Variants in TMEM50B observed in about 807,000 individuals in gnomAD.
TMEM50B encodes transmembrane protein 50B.
Under a neutral mutation model 23.4 loss-of-function variants are expected in TMEM50B, and 14 were observed. The ratio of observed to expected loss-of-function variants is 0.60; its 90% CI spans 0.39 to 0.93. TMEM50B has a LOEUF of 0.93. Ranked by LOEUF, TMEM50B falls within the 40% of genes least tolerant of loss-of-function variation. The probability of loss-of-function intolerance (pLI) is 0.00; values close to 1 mark genes in which losing one functional copy is unlikely to be tolerated. For synonymous variants in TMEM50B, 64 were observed against 62.3 expected, an observed-to-expected ratio of 1.03 and a Z score of -0.13; for missense variants, 159 against 193.0, an observed-to-expected ratio of 0.82 and a Z score of 1.04.
chr21:33,433,770 T>G (rs1448176998), intron 8 of TMEM50B, among the ~76,000 whole-genome samples: 2 of 147,258 alleles, frequency 1.4e-5, no homozygotes, highest in African/African-American at 2.6e-5. Flanking sequence ...TTATGTTATG[T>G]GTATTTTACC....
intron 1 of TMEM50B, among the ~76,000 whole-genome samples, chr21:33,475,475 T>G (rs1451841882): frequency 1.3e-5 from 2 of 151,970 alleles, no homozygotes; most frequent in Non-Finnish European, 2.9e-5. Flanking sequence ...ACCTCCCAAG[T>G]AGCTGGGATT....
At chr21:33,468,566 A>G (rs1403174302) in intron 2 of TMEM50B, 1 of 456,272 alleles carries the variant, frequency 2.2e-6, no homozygotes, top group African/African-American at 2.0e-5. Flanking sequence ...TATCACTGGA[A>G]CTGAAGAAAA....
chr21:33,471,671 C>G lies in TMEM50B; in HGVS notation c.-41-2745G>C, dbSNP rs2084316802. ...GGAAGATTGCTTGAGGCCAGGACTT[C>G]AAGCCCAGCCCAGGCAACATAGCAA... is the stretch of plus-strand genomic sequence containing the variant. On this transcript the variant is annotated intron_variant, in intron 1 of 6. Transcript: ENST00000542230. 2.0e-5 allele frequency among the ~76,000 whole-genome samples: 3 copies of G among 152,154 alleles called. No individual in the cohort carries two copies. The South Asian group carries it at 6.2e-4, about 32-fold the overall frequency.
intron 6 of TMEM50B, among the ~76,000 whole-genome samples, chr21:33,454,088 G>A (rs2084146871): frequency 1.6e-5 from 2 of 123,482 alleles, no homozygotes; most frequent in South Asian, 2.7e-4. Context: ...GGGCAACAGA[G>A]CGAGAATCCA....
intron 8 of TMEM50B, chr21:33,437,241 T>C: frequency 4.9e-6 from 2 of 406,398 alleles, no homozygotes; most frequent in South Asian, 4.9e-5. Flanking sequence ...AATTGCTTGT[T>C]AGCAAAATGG....
At chr21:33,460,564 G>T (rs1228745230) in intron 4 of TMEM50B, 59 bp from the exon 5 acceptor site, 50 of 986,142 alleles carry the variant, frequency 5.1e-5, no homozygotes, top group Non-Finnish European at 7.1e-5. Context: ...AACGTCTTAG[G>T]AATACATAAT....
intron 1 of TMEM50B, among the ~76,000 whole-genome samples, chr21:33,471,940 C>CAGG (rs34861911): frequency 0.42 from 62,289 of 149,162 alleles, 14,841 homozygotes; most frequent in Non-Finnish European, 0.54. Flanking sequence ...GAGGCTGAGG[C>CAGG]AGAATGGCGA....
At chr21:33,458,089 C>A in intron 5 of TMEM50B, among the ~76,000 whole-genome samples, 1 of 152,262 alleles carries the variant, frequency 6.6e-6, no homozygotes, top group South Asian at 2.1e-4. Flanking sequence ...TGAAGCTCTC[C>A]GAACCTCTTC....
Position 33,449,567 on chromosome 21 carries a change from A to G in TMEM50B, c.*1251T>C, listed in dbSNP as rs2084098289. 1 of 152,304 alleles carries G rather than the reference A, an allele frequency of 6.6e-6. No individual in the cohort carries two copies. The highest frequency in any genetic ancestry group is 1.5e-5 in the Non-Finnish European group (1 of 68,050). 9.4% of individuals were successfully genotyped at this position (152,304 alleles called of 1,614,324 possible). A position where few individuals can be genotyped will look rare whatever the true frequency, so the allele number is the denominator to read the frequency against. On this transcript the variant is annotated 3_prime_UTR_variant, in exon 7 of 7. Transcript: ENST00000542230. Reference sequence around the variant, plus strand: ...AGTAAAAGGAGTTTTTGATTGGAGTATGAACTTTCAAGTTGAAGATATATT... The same window carrying G: ...AGTAAAAGGAGTTTTTGATTGGAGTGTGAACTTTCAAGTTGAAGATATATT...
intron 3 of TMEM50B, among the ~76,000 whole-genome samples, chr21:33,466,063 C>A (rs1450844801): frequency 6.6e-6 from 1 of 152,058 alleles, no homozygotes; most frequent in African/African-American, 2.4e-5. Flanking sequence ...AGTTCAAGAC[C>A]AGCCTGGCAA....
At chr21:33,468,748 G>A (rs756024181) in intron 2 of TMEM50B, 39 bp downstream of exon 2, 1 of 1,533,290 alleles carries the variant, frequency 6.5e-7, no homozygotes, top group Non-Finnish European at 9.0e-7. Context: ...AGGGCAAAAG[G>A]TAAGGGATAC....
intron 8 of TMEM50B, among the ~76,000 whole-genome samples, chr21:33,438,730 GCTT>G (rs2083980932): frequency 1.1e-5 from 1 of 93,736 alleles, no homozygotes; most frequent in Non-Finnish European, 1.9e-5. Context: ...TAAGAAAGTG[GCTT>G]TTTTTTTTTC....
intron 1 of TMEM50B, among the ~76,000 whole-genome samples, chr21:33,477,210 G>C (rs1211687409): frequency 6.6e-6 from 1 of 151,886 alleles, no homozygotes; most frequent in Non-Finnish European, 1.5e-5. Flanking sequence ...TGGGAGGATC[G>C]TTTGAGCCCA....
chr21:33,439,602 A>T (rs1347014927), intron 7 of TMEM50B, among the ~76,000 whole-genome samples: 1 of 151,070 alleles, frequency 6.6e-6, no homozygotes, highest in Non-Finnish European at 1.5e-5. Context: ...CTGGTCTCAA[A>T]CTCCTGACCT....
chr21:33,470,388 G>A (rs1601132052), intron 1 of TMEM50B, among the ~76,000 whole-genome samples: 1 of 121,796 alleles, frequency 8.2e-6, no homozygotes, highest in South Asian at 2.8e-4. Flanking sequence ...TTGTGCCACT[G>A]CACTCTAGCC....
intron 1 of TMEM50B, among the ~76,000 whole-genome samples, chr21:33,477,456 A>C (rs978668835): frequency 1.3e-5 from 2 of 152,222 alleles, no homozygotes; most frequent in Non-Finnish European, 2.9e-5. Context: ...CTAACTTGAC[A>C]TACCTCTGCG....
downstream of TMEM50B, among the ~76,000 whole-genome samples, chr21:33,446,242 TTTTTA>T (rs2084053103): frequency 9.5e-5 from 11 of 115,934 alleles, no homozygotes; most frequent in East Asian, 5.0e-4. Context: ...TATTTTTTAT[TTTTTA>T]TTTTTTTTTG....
At chr21:33,470,424 C>CAATAA (rs2084303090) in intron 1 of TMEM50B, among the ~76,000 whole-genome samples, 1 of 65,962 alleles carries the variant, frequency 1.5e-5, no homozygotes, top group Non-Finnish European at 2.8e-5. Flanking sequence ...GACTGTGTCT[C>CAATAA]AAAAAAAAAA....
chr21:33,437,441 G>A (rs2083968070), intron 8 of TMEM50B: 1 of 157,286 alleles, frequency 6.4e-6, no homozygotes, highest in Admixed American at 6.3e-5. Flanking sequence ...AATTAATCTT[G>A]TAAATATACT....
Sources: gnomAD v4.1 joint callset for allele counts (sites outside exome capture counted in the v4.1 genomes callset) on GRCh38, gnomAD v4.1.1 for gene constraint, MANE v1.5 for transcripts, NCBI Gene and HGNC (gene_info 2026-07-23, HGNC 2026-07-21) for gene names.